The following TMEM178B variants were observed in gnomAD, a reference collection of about 807,000 sequenced individuals.
TMEM178B encodes the protein transmembrane protein 178B.
In TMEM178B, 5 loss-of-function variants were observed where a neutral mutation model predicts 31.0. The ratio of observed to expected loss-of-function variants is 0.16; its 90% CI spans 0.08 to 0.34. The LOEUF (loss-of-function observed/expected upper bound fraction) is 0.34, where lower values mean the gene tolerates loss of function less well. Among genes scored for constraint, TMEM178B ranks in the 10% least tolerant of loss-of-function variants. The pLI is 1.00. For missense variants in TMEM178B, 275 were observed against 400.3 expected (o/e 0.69, Z 2.67); for synonymous variants, 164 against 164.0 (o/e 1.00, Z 0.00).
intron 1 of TMEM178B, among the ~76,000 whole-genome samples, chr7:141,083,956 C>T (rs779482944): frequency 1.2e-4 from 19 of 152,178 alleles, no homozygotes; most frequent in African/African-American, 3.9e-4. Flanking sequence ...AGGCACATGC[C>T]GCCATGCCTG....
chr7:141,074,359 T>G lies in TMEM178B; in HGVS notation c.49T>G (p.Cys17Gly). 6.5e-7 allele frequency: 1 copy of G among 1,536,084 alleles called. No individual in the cohort carries two copies. The highest frequency in any genetic ancestry group is 8.7e-7 in the Non-Finnish European group (1 of 1,146,840). Residue 17 changes from cysteine to glycine, a missense_variant, in exon 1 of 4, where the codon TGC (cysteine) becomes GGC (glycine). By Grantham distance (159) the Cys-to-Gly change is radical (BLOSUM62 -3). Transcript: ENST00000565468. This position sits in a 1 kb window ranked among gnomAD's most constrained non-coding sequence, Gnocchi z 5.1. ...LLYTGLSLAL[C>G]ALGMLAVAIC... The stretch of plus-strand genomic sequence containing the variant: ...CTACACTGGCCTCTCGCTAGCGCTC[T>G]GCGCCCTCGGCATGCTGGCCGTGGC...
chr7:141,224,884 T>A (rs1313713114), intron 2 of TMEM178B, among the ~76,000 whole-genome samples: 1 of 152,180 alleles, frequency 6.6e-6, no homozygotes, highest in Non-Finnish European at 1.5e-5. Flanking sequence ...ACTCCCACAT[T>A]GGGCACTTCT....
Position 141,477,769 on chromosome 7 carries a change from T to G in TMEM178B, c.*6983T>G, listed in dbSNP as rs1354018519. ...ACTTTGAGCCCTTGCTAGTGCGTGC[T>G]TACTGCATGGAGGTAAATTAGGAGA... is the stretch of plus-strand genomic sequence containing the variant. On this transcript the variant is annotated 3_prime_UTR_variant, in exon 4 of 4. Transcript: ENST00000565468. The G allele has an allele frequency of 6.6e-6, 1 of 152,232 alleles. No individual in the cohort carries two copies. The highest frequency in any genetic ancestry group is 1.5e-5 in the Non-Finnish European group (1 of 68,068). 9.4% of individuals were successfully genotyped at this position (152,232 alleles called of 1,614,324 possible). A position where few individuals can be genotyped will look rare whatever the true frequency, so the allele number is the denominator to read the frequency against.
chr7:141,314,911 T>C (rs148689166), intron 2 of TMEM178B, among the ~76,000 whole-genome samples: 7 of 152,334 alleles, frequency 4.6e-5, no homozygotes, highest in Non-Finnish European at 1.0e-4. Context: ...AGATGCTTAG[T>C]GGCCATTTCT....
rs970588136 is a variant in TMEM178B at position 141,470,747 on chromosome 7, C to G, written c.846C>G (p.Asn282Lys). The G allele has an allele frequency of 3.3e-6, 5 of 1,531,552 alleles. No individual in the cohort carries two copies. Among genetic ancestry groups the G allele is most frequent in the Admixed American group, 4.0e-5 (2 of 50,336 alleles). The allele number at this position is 1,531,552 out of a possible 1,614,324, so 94.9% of individuals were successfully genotyped here. ...CTGTTCAACCTGTCCCGAGGACCAA[C>G]TACCCTAAATCCAGACCCGAGAATG... ...APSVQPVPRTNYPKSRPENGT... is the reference protein window; with the variant it reads ...APSVQPVPRTKYPKSRPENGT... Residue 282 changes from asparagine (N) to lysine (K), a missense_variant, in exon 4 of 4, where the codon AAC becomes AAG. Asn to Lys is a moderately conservative substitution (Grantham distance 94). Coordinates refer to ENST00000565468, the MANE Select transcript of TMEM178B (RefSeq NM_001195278.2).
intron 2 of TMEM178B, among the ~76,000 whole-genome samples, chr7:141,366,010 G>A (rs140089132): frequency 6.6e-6 from 1 of 152,312 alleles, no homozygotes; most frequent in African/African-American, 2.4e-5. Flanking sequence ...ATCTCTTGGA[G>A]CAGATCAAAT....
At chr7:141,350,771 C>A (rs1369435814) in intron 2 of TMEM178B, among the ~76,000 whole-genome samples, 2 of 151,994 alleles carry the variant, frequency 1.3e-5, no homozygotes, top group African/African-American at 4.8e-5. Flanking sequence ...TTTTTGTTTT[C>A]TTTTTCTTAC....
the TMEM178B span, among the ~76,000 whole-genome samples, chr7:141,498,350 G>A: frequency 6.6e-6 from 1 of 152,210 alleles, no homozygotes; most frequent in East Asian, 1.9e-4. Flanking sequence ...AGCAGCTTGA[G>A]TTATGATCAG....
chr7:141,396,086 G>A (rs1190598485), intron 2 of TMEM178B, among the ~76,000 whole-genome samples: 1 of 152,132 alleles, frequency 6.6e-6, no homozygotes, highest in East Asian at 1.9e-4. Flanking sequence ...GATGCAAGGG[G>A]CTTGGGGGTG....
intron 2 of TMEM178B, among the ~76,000 whole-genome samples, chr7:141,296,733 G>T (rs1385904561): frequency 6.6e-6 from 1 of 152,216 alleles, no homozygotes. Context: ...GTGACATCTT[G>T]CATCACTCTA....
At chr7:141,166,607 G>A (rs1308026114) in intron 1 of TMEM178B, among the ~76,000 whole-genome samples, 1 of 152,212 alleles carries the variant, frequency 6.6e-6, no homozygotes, top group Admixed American at 6.5e-5. Flanking sequence ...TCCTGGGGAT[G>A]TGGAGGGCTG....
chr7:141,377,253 G>A (rs903603984), intron 2 of TMEM178B, among the ~76,000 whole-genome samples: 3 of 151,340 alleles, frequency 2.0e-5, no homozygotes, highest in African/African-American at 4.9e-5. Context: ...GAGCTATCTC[G>A]GCTCACTGCA....
chr7:141,252,196 C>A (rs1797844356), intron 2 of TMEM178B, among the ~76,000 whole-genome samples: 1 of 152,152 alleles, frequency 6.6e-6, no homozygotes, highest in Admixed American at 6.5e-5. Context: ...TCCCCACTAG[C>A]TGGTATGGGG....
intron 1 of TMEM178B, among the ~76,000 whole-genome samples, chr7:141,173,881 C>G (rs1796385406): frequency 1.3e-5 from 2 of 152,166 alleles, no homozygotes; most frequent in South Asian, 4.1e-4. Context: ...TGTGCCAACT[C>G]AAGCAAGGGG....
At chr7:141,458,774 T>C (rs1802010188) in intron 3 of TMEM178B, among the ~76,000 whole-genome samples, 1 of 152,226 alleles carries the variant, frequency 6.6e-6, no homozygotes, top group Non-Finnish European at 1.5e-5. Context: ...ATTATTCTGA[T>C]GCTGAAGTCC....
intron 2 of TMEM178B, among the ~76,000 whole-genome samples, chr7:141,328,946 T>C (rs10488014): frequency 0.094 from 14,299 of 152,202 alleles, 1,451 homozygotes; most frequent in African/African-American, 0.26. Flanking sequence ...AATCAGGTCT[T>C]ATGACTTTCA....
rs540086631 is a variant in TMEM178B at position 141,341,314 on chromosome 7, C to G, written c.497-96294C>G. The stretch of plus-strand genomic sequence containing the variant: ...CTCTCTCCACACTGTGCTACTTTAA[C>G]TTAGTGAGCGCTTTGGTTTACTGAG... On this transcript the variant is annotated intron_variant, in intron 2 of 3. Coordinates refer to ENST00000565468, the MANE Select transcript of TMEM178B (RefSeq NM_001195278.2). Among the ~76,000 whole-genome samples, 452 of 152,200 alleles carry G rather than the reference C, an allele frequency of 3.0e-3. 3 individuals carry two copies. The highest frequency in any genetic ancestry group is 4.6e-3 in the Non-Finnish European group (313 of 68,002).
intron 2 of TMEM178B, chr7:141,430,091 T>C (rs1801396051): frequency 6.6e-6 from 1 of 152,306 alleles, no homozygotes; most frequent in Admixed American, 6.5e-5. Flanking sequence ...AGCCTCCAGC[T>C]GTTTTGGTCC....
At chr7:141,293,394 G>T (rs1182590957) in intron 2 of TMEM178B, among the ~76,000 whole-genome samples, 2 of 152,100 alleles carry the variant, frequency 1.3e-5, no homozygotes, top group Non-Finnish European at 2.9e-5. Context: ...GATATACTTG[G>T]CTGTTAAGAC....
Sources: gnomAD v4.1 joint callset for allele counts (sites outside exome capture counted in the v4.1 genomes callset) on GRCh38, gnomAD v4.1.1 for gene constraint, Gnocchi (gnomAD v3.1) non-coding constraint, MANE v1.5 for transcripts, NCBI Gene and HGNC (gene_info 2026-07-23, HGNC 2026-07-21) for gene names.